The following POLQ variants were observed in gnomAD, a reference collection of about 807,000 sequenced individuals.
POLQ encodes the protein DNA polymerase theta.
POLQ carries 233 observed loss-of-function variants against 259.2 expected under a neutral mutation model. The ratio of observed to expected loss-of-function variants is 0.90; its 90% CI spans 0.81 to 1.00. The LOEUF is 1.00. Ranked by LOEUF, POLQ falls within the 50% of genes least tolerant of loss-of-function variation. The probability of loss-of-function intolerance (pLI) is 0.00; values close to 1 mark genes in which losing one functional copy is unlikely to be tolerated. For synonymous variants in POLQ, 1,025 were observed against 1,048.8 expected, an observed-to-expected ratio of 0.98 and a Z score of 0.44; for missense variants, 2,871 against 3,051.6, an observed-to-expected ratio of 0.94 and a Z score of 1.39.
At chr3:121,519,742 G>T in intron 9 of POLQ, 129 bp downstream of exon 9, 11 of 632,170 alleles carry the variant, frequency 1.7e-5, no homozygotes, top group Non-Finnish European at 2.9e-5. Flanking sequence ...AATCCAAAAT[G>T]ATGACACTAG....
intron 17 of POLQ, 150 bp from the exon 18 acceptor site, chr3:121,483,732 C>T (rs977627726): frequency 4.8e-5 from 25 of 515,936 alleles, no homozygotes; most frequent in African/African-American, 4.7e-4. Flanking sequence ...GCATCTTATC[C>T]AGGTCATATC....
rs1015968075 is a variant in POLQ, at chr3:121,488,850, G to C, written c.4081C>G (p.Gln1361Glu). The change falls in exon 16 of 30, where the codon CAG becomes GAG. Residue 1361 changes from glutamine (Q) to glutamate (E), a missense_variant. Coordinates refer to ENST00000264233, the MANE Select transcript of POLQ (RefSeq NM_199420.4). The part of the protein sequence containing the change: ...AGIMQKSLVQ[Q>E]NSMNSFQKEC... Reference sequence around the variant, plus strand: ...TTCTGAAAAGAGTTCATTGAGTTCTGTTGGACTAAGCTCTTCTGCATTATC... The same window carrying C: ...TTCTGAAAAGAGTTCATTGAGTTCTCTTGGACTAAGCTCTTCTGCATTATC... 3.7e-6 allele frequency: 6 copies of C among 1,613,950 alleles called. No homozygotes were observed. Among genetic ancestry groups the C allele is most frequent in the East Asian group, 2.2e-5 (1 of 44,880 alleles).
intron 19 of POLQ, among the ~76,000 whole-genome samples, chr3:121,479,579 G>A (rs1056029429): frequency 1.3e-5 from 2 of 151,864 alleles, no homozygotes; most frequent in Non-Finnish European, 2.9e-5. Flanking sequence ...TCAGCCTCCT[G>A]AGTAGCTGGG....
chr3:121,508,327 G>T (rs1033902217), intron 12 of POLQ, among the ~76,000 whole-genome samples: 1 of 152,150 alleles, frequency 6.6e-6, no homozygotes, highest in Non-Finnish European at 1.5e-5. Flanking sequence ...ATGTTTATGG[G>T]AGAATTTACT....
chr3:121,491,116 G>A (rs1298781564), intron 15 of POLQ, among the ~76,000 whole-genome samples: 4 of 151,898 alleles, frequency 2.6e-5, no homozygotes, highest in Non-Finnish European at 4.4e-5. Context: ...ACTTTGGGAG[G>A]CCAAGGTGGG....
chr3:121,521,973 TTTC>T, intron 8 of POLQ, 27 bp downstream of exon 8: 1 of 1,473,312 alleles, frequency 6.8e-7, no homozygotes, highest in Non-Finnish European at 9.1e-7. Flanking sequence ...ATTTTGGAGG[TTTC>T]TTAATAACAT....
Position 121,476,727 on chromosome 3 carries a change from A to G in POLQ, c.6218T>C (p.Phe2073Ser), listed in dbSNP as rs749941292. The G allele has an allele frequency of 1.3e-6, 2 of 1,597,382 alleles. No individual in the cohort carries two copies. Among genetic ancestry groups the G allele is most frequent in the South Asian group, 2.3e-5 (2 of 88,010 alleles). ...LLQKENLQDV[F>S]RKVEMPSQYC... Reference sequence around the variant, plus strand: ...CTGAGAGGGCATTTCCACCTTACGGAAAACATCTGGAAGAAAAAAGAAAAT... The same window carrying G: ...CTGAGAGGGCATTTCCACCTTACGGGAAACATCTGGAAGAAAAAAGAAAAT... Residue 2073 changes from phenylalanine (F) to serine (S), a missense_variant, in exon 20 of 30, where the codon TTC becomes TCC. Around this residue, in one of 3 missense-constraint regions of POLQ, gnomAD observed 2,080 missense variants for 2,126.0 expected, o/e 0.98. Transcript: ENST00000264233.
In POLQ at chr3:121,533,170, T is replaced by C. The variant is rs2048424613; in HGVS notation, c.780A>G (p.Gln260=). The C allele has an allele frequency of 1.2e-6, 2 of 1,613,528 alleles. No individual in the cohort carries two copies. The highest frequency in any genetic ancestry group is 8.5e-7 in the Non-Finnish European group (1 of 1,179,766). Residue 260 remains glutamine, a synonymous_variant, in exon 6 of 30, where the codon CAA becomes CAG. Transcript: ENST00000264233. ...DLASSLSNAV[Q]IVGMSATLPN... ...GAAGGGTAGCACTCATGCCAACGAT[T>C]TGCACAGCATTAGACAGAGAACTGG...
chr3:121,474,338 T>C (rs1257265010), intron 20 of POLQ, among the ~76,000 whole-genome samples: 1 of 152,094 alleles, frequency 6.6e-6, no homozygotes, highest in East Asian at 1.9e-4. Flanking sequence ...CAATAATGAA[T>C]GCTAGAGAGG....
At chr3:121,465,515 T>C (rs975102948) in intron 24 of POLQ, among the ~76,000 whole-genome samples, 8 of 152,182 alleles carry the variant, frequency 5.3e-5, no homozygotes, top group Non-Finnish European at 8.8e-5. Context: ...CTCACAGATA[T>C]TGCAGGTTTT....
chr3:121,535,486 T>G (rs1459504806), intron 5 of POLQ, among the ~76,000 whole-genome samples: 1 of 151,732 alleles, frequency 6.6e-6, no homozygotes, highest in African/African-American at 2.4e-5. Flanking sequence ...GAGGCCGAGG[T>G]GGGTAGATCA....
chr3:121,454,705 C>A (rs2108780829), intron 25 of POLQ, among the ~76,000 whole-genome samples: 1 of 152,242 alleles, frequency 6.6e-6, no homozygotes, highest in Admixed American at 6.5e-5. Flanking sequence ...TATATGTACC[C>A]AATACAGGAG....
chr3:121,486,176 A>C (rs1166439729), intron 16 of POLQ, among the ~76,000 whole-genome samples: 1 of 152,246 alleles, frequency 6.6e-6, no homozygotes, highest in Non-Finnish European at 1.5e-5. Context: ...TAGCTAATGT[A>C]CACTGTGAAG....
At chr3:121,530,538 T>C (rs2048403898) in intron 6 of POLQ, among the ~76,000 whole-genome samples, 2 of 152,190 alleles carry the variant, frequency 1.3e-5, no homozygotes, top group African/African-American at 2.4e-5. Flanking sequence ...TACGGTGTTT[T>C]GAGGCCTCAT....
At chr3:121,537,251 A>G (rs2048457648) in intron 4 of POLQ, 43 bp from the exon 5 acceptor site, 1 of 1,059,732 alleles carries the variant, frequency 9.4e-7, no homozygotes, top group Non-Finnish European at 1.5e-6. Context: ...AGAATGTCAC[A>G]TCCATGAAGA....
chr3:121,544,072 T>C (rs977049979), intron 2 of POLQ, among the ~76,000 whole-genome samples: 1 of 151,854 alleles, frequency 6.6e-6, no homozygotes, highest in African/African-American at 2.4e-5. Flanking sequence ...GGTCAATCTA[T>C]AGCTGGGCAC....
At chr3:121,461,767 C>CT (rs1171793233) in intron 24 of POLQ, among the ~76,000 whole-genome samples, 2 of 151,924 alleles carry the variant, frequency 1.3e-5, no homozygotes, top group African/African-American at 4.8e-5. Flanking sequence ...CCCATATTTG[C>CT]TTATATCTGC....
chr3:121,472,237 A>C, intron 21 of POLQ, 73 bp from the exon 22 acceptor site: 1 of 678,038 alleles, frequency 1.5e-6, no homozygotes, highest in South Asian at 3.0e-5. Context: ...CTTTTCTGTA[A>C]ATAATACAGT....
intron 26 of POLQ, among the ~76,000 whole-genome samples, chr3:121,445,977 A>G (rs1371107474): frequency 6.7e-6 from 1 of 149,874 alleles, no homozygotes; most frequent in African/African-American, 2.5e-5. Flanking sequence ...TTCCTCTACT[A>G]ATTTTGGATT....
Sources: gnomAD v4.1 joint callset for allele counts (sites outside exome capture counted in the v4.1 genomes callset) on GRCh38, gnomAD v4.1.1 for gene constraint, gnomAD v4.1.1 regional missense constraint, MANE v1.5 for transcripts, NCBI Gene and HGNC (gene_info 2026-07-23, HGNC 2026-07-21) for gene names.